SAMD9: variants seen among roughly 807,000 people sequenced by gnomAD.
SAMD9 encodes the protein sterile alpha motif domain containing 9.
A neutral mutation model predicts 1.5 loss-of-function variants in SAMD9; 3 were observed. That is an observed-to-expected ratio of 2.05 (90% CI 0.93 to 5.29). SAMD9 has a LOEUF of 5.29. Among genes scored for constraint, SAMD9 ranks in the 30% most tolerant of loss-of-function variants. The probability of loss-of-function intolerance (pLI) is 0.02; values close to 1 mark genes in which losing one functional copy is unlikely to be tolerated. For missense variants in SAMD9, 1,597 were observed against 1,820.8 expected (o/e 0.88, Z 2.24); for synonymous variants, 635 against 631.9 (o/e 1.00, Z -0.07).
chr7:93,106,925 G>T (rs1791655920), intron 2 of SAMD9, among the ~76,000 whole-genome samples: 1 of 152,202 alleles, frequency 6.6e-6, no homozygotes, highest in African/African-American at 2.4e-5. Flanking sequence ...TGAAACATCA[G>T]AGAGGAAGAG....
In SAMD9 at chr7:93,103,546, A is replaced by G. The variant is rs1161627399; in HGVS notation, c.2552T>C (p.Ile851Thr). ...PEKSARIPDSIAVIQQLSPKE... is the reference protein window; with the variant it reads ...PEKSARIPDSTAVIQQLSPKE... ...GGGAGAGAGTTGCTGTATTACGGCA[A>G]TACTGTCTGGGATCCTTGCACTTTT... Residue 851 changes from isoleucine to threonine, a missense_variant, in exon 3 of 3, where the codon ATT (isoleucine) becomes ACT (threonine). Ile to Thr is a moderately conservative substitution (Grantham distance 89). This residue lies in a region of SAMD9 where 55 missense variants were observed against 58.6 expected (regional missense o/e 0.94). Coordinates refer to ENST00000379958, the MANE Select transcript of SAMD9 (RefSeq NM_017654.4). 6.2e-7 allele frequency: 1 copy of G among 1,613,714 alleles called. No homozygotes were observed. The highest frequency in any genetic ancestry group is 8.5e-7 in the Non-Finnish European group (1 of 1,179,698).
At chr7:93,106,399 A>G (rs1176066008) in intron 2 of SAMD9, among the ~76,000 whole-genome samples, 2 of 152,194 alleles carry the variant, frequency 1.3e-5, no homozygotes, top group African/African-American at 2.4e-5. Flanking sequence ...GTCAGTATAT[A>G]TAGAGATAGT....
chr7:93,115,748 G>A (rs1791822811), intron 1 of SAMD9, among the ~76,000 whole-genome samples: 2 of 152,124 alleles, frequency 1.3e-5, no homozygotes, highest in South Asian at 2.1e-4. Flanking sequence ...GCATAAAAAA[G>A]ATGATGGTGT....
At position 93,105,868 on chromosome 7, in the gene SAMD9, G is replaced by A. The variant is rs753119804; in HGVS notation, c.230C>T (p.Thr77Ile). 6.2e-7 allele frequency: 1 copy of A among 1,614,096 alleles called. No homozygotes were observed. The highest frequency in any genetic ancestry group is 1.7e-5 in the Admixed American group (1 of 60,014). The change falls in exon 3 of 3, where the codon ACA becomes ATA. Residue 77 changes from threonine (T) to isoleucine (I), a missense_variant. Thr to Ile is a moderately conservative substitution (Grantham distance 89, BLOSUM62 -1). Coordinates refer to ENST00000379958, the MANE Select transcript of SAMD9 (RefSeq NM_017654.4). ...TGTCTGAATCGAATCTTCAATGGCT[G>A]TTTTCCGCAATTCTTTGAATAGTTC... ...IEELFKELRK[T>I]AIEDSIQTSK...
chr7:93,107,628 G>C (rs1002369778), intron 2 of SAMD9, among the ~76,000 whole-genome samples: 12 of 152,248 alleles, frequency 7.9e-5, no homozygotes, highest in Admixed American at 7.8e-4. Context: ...TTATTATATA[G>C]GCCCAAGTTC....
At chr7:93,111,925 A>T (rs111875710) in intron 2 of SAMD9, among the ~76,000 whole-genome samples, 5 of 152,192 alleles carry the variant, frequency 3.3e-5, no homozygotes, top group African/African-American at 9.7e-5. Context: ...TCCAATCAAT[A>T]GAAAAAAGAG....
intron 2 of SAMD9, among the ~76,000 whole-genome samples, chr7:93,113,599 A>G (rs1414831437): frequency 6.6e-6 from 1 of 152,246 alleles, no homozygotes; most frequent in East Asian, 1.9e-4. Context: ...ACTTAAATTT[A>G]CAAAAAGAAA....
chr7:93,103,266 A>G lies in SAMD9; in HGVS notation c.2832T>C (p.Ile944=). 1 of 1,613,716 alleles carries G rather than the reference A, an allele frequency of 6.2e-7. No individual in the cohort carries two copies. ...TCCCCCAGAAAGCCTTCTTGTTTCCAATTCCTAAGAATTTTTCACACTGTG... is the reference window on the plus strand; with the variant it reads ...TCCCCCAGAAAGCCTTCTTGTTTCCGATTCCTAAGAATTTTTCACACTGTG... ...SLSQCEKFLG[I]GNKKAFWGTE... The change falls in exon 3 of 3, where the codon ATT becomes ATC. Residue 944 remains isoleucine (I), a synonymous_variant. Coordinates refer to ENST00000379958, the MANE Select transcript of SAMD9 (RefSeq NM_017654.4).
intron 2 of SAMD9, among the ~76,000 whole-genome samples, chr7:93,107,783 ATAG>A (rs1046526572): frequency 1.6e-4 from 25 of 152,382 alleles, no homozygotes; most frequent in South Asian, 8.3e-4. Flanking sequence ...TACGGTATAC[ATAG>A]AAAGTGAATA....
intron 2 of SAMD9, 140 bp downstream of exon 2, chr7:93,114,655 C>T (rs1173452120): frequency 3.3e-5 from 5 of 151,896 alleles, no homozygotes; most frequent in Admixed American, 3.3e-4. Context: ...ATTGACACAT[C>T]CATGGAATGA....
At chr7:93,112,974 A>G (rs1791771789) in intron 2 of SAMD9, among the ~76,000 whole-genome samples, 1 of 152,220 alleles carries the variant, frequency 6.6e-6, no homozygotes, top group Non-Finnish European at 1.5e-5. Flanking sequence ...ATATGGAACC[A>G]AAAAAGAGCC....
chr7:93,106,197 T>C, intron 2 of SAMD9, 92 bp from the exon 3 acceptor site: 1 of 804,916 alleles, frequency 1.2e-6, no homozygotes, highest in Non-Finnish European at 1.8e-6. Context: ...TTTTCAAAAT[T>C]TAAAAAGCTC....
Position 93,105,739 on chromosome 7 carries a change from G to C in SAMD9, c.359C>G (p.Pro120Arg), listed in dbSNP as rs146592813. 4.3e-6 allele frequency: 7 copies of C among 1,613,866 alleles called. No individual in the cohort carries two copies. Among genetic ancestry groups the C allele is most frequent in the Non-Finnish European group, 5.9e-6 (7 of 1,179,994 alleles). Reference sequence around the variant, plus strand: ...CATTGCAGACGGATTAGCCATATCTGGGTTCTCTTTACCCTTTTGTTTTTG... The same window carrying C: ...CATTGCAGACGGATTAGCCATATCTCGGTTCTCTTTACCCTTTTGTTTTTG... ...SKQKQKGKEN[P>R]DMANPSAMST... Residue 120 changes from proline to arginine, a missense_variant, in exon 3 of 3, where the codon CCA (proline) becomes CGA (arginine). Transcript: ENST00000379958.
chr7:93,112,829 T>C (rs934002157), intron 2 of SAMD9, among the ~76,000 whole-genome samples: 13 of 152,260 alleles, frequency 8.5e-5, no homozygotes, highest in African/African-American at 2.6e-4. Flanking sequence ...AGAGAACATT[T>C]CATGCTCATG....
rs766341846 is a variant in SAMD9, at chr7:93,104,727, T to G, written c.1371A>C (p.Glu457Asp). 1.2e-6 allele frequency: 2 copies of G among 1,613,922 alleles called. No homozygotes were observed. The highest frequency in any genetic ancestry group is 2.7e-5 in the African/African-American group (2 of 74,940). The change falls in exon 3 of 3, where the codon GAA becomes GAC. Residue 457 changes from glutamate (E) to aspartate (D), a missense_variant. Glu to Asp is a conservative substitution (Grantham distance 45). This residue lies in a region of SAMD9 where 358 missense variants were observed against 460.4 expected (regional missense o/e 0.78). Coordinates refer to ENST00000379958, the MANE Select transcript of SAMD9 (RefSeq NM_017654.4). ...GAAAGTGAAGGTTTGCTACTCGGCT[T>G]TCTTTGTAAGCTTTGACCACTCCAT... ...NINGVVKAYKESRVANLHFPS... is the reference protein window; with the variant it reads ...NINGVVKAYKDSRVANLHFPS...
intron 2 of SAMD9, among the ~76,000 whole-genome samples, chr7:93,110,919 T>C (rs1382903361): frequency 6.6e-6 from 1 of 152,196 alleles, no homozygotes; most frequent in Non-Finnish European, 1.5e-5. Context: ...TTAACAACGA[T>C]ATCCAGGAAT....
At chr7:93,117,197 G>T (rs1791845075) in intron 1 of SAMD9, among the ~76,000 whole-genome samples, 1 of 152,192 alleles carries the variant, frequency 6.6e-6, no homozygotes, top group Non-Finnish European at 1.5e-5. Flanking sequence ...GGTGGAAGTT[G>T]TATTTGATTA....
At chr7:93,106,400 T>C (rs536913872) in intron 2 of SAMD9, among the ~76,000 whole-genome samples, 2 of 152,334 alleles carry the variant, frequency 1.3e-5, no homozygotes, top group African/African-American at 4.8e-5. Context: ...TCAGTATATA[T>C]AGAGATAGTT....
intron 1 of SAMD9, among the ~76,000 whole-genome samples, chr7:93,115,134 TC>T (rs200034704): frequency 0.015 from 2,351 of 152,278 alleles, 33 homozygotes; most frequent in Non-Finnish European, 0.025. Context: ...TTAGAAGTGT[TC>T]CAAAATGTTT....
Sources: gnomAD v4.1 joint callset for allele counts (sites outside exome capture counted in the v4.1 genomes callset) on GRCh38, gnomAD v4.1.1 for gene constraint, gnomAD v4.1.1 regional missense constraint, MANE v1.5 for transcripts, NCBI Gene and HGNC (gene_info 2026-07-23, HGNC 2026-07-21) for gene names.